NEDD4: variants seen among roughly 807,000 people sequenced by gnomAD.
NEDD4 encodes the protein E3 ubiquitin-protein ligase NEDD4.
Under a neutral mutation model 144.9 loss-of-function variants are expected in NEDD4, and 99 were observed. The observed-to-expected ratio is 0.68, with a 90% CI of 0.58 to 0.81. NEDD4 has a LOEUF of 0.81. Among genes scored for constraint, NEDD4 ranks in the 30% least tolerant of loss-of-function variants. The pLI is 0.00. For missense variants in NEDD4, 985 were observed against 1,065.9 expected, an observed-to-expected ratio of 0.92 and a Z score of 1.06; for synonymous variants, 318 against 350.6, an observed-to-expected ratio of 0.91 and a Z score of 1.04.
Position 55,833,039 on chromosome 15 carries a change from C to T in NEDD4, c.2496G>A (p.Arg832=), listed in dbSNP as rs201668319. The T allele has an allele frequency of 1.3e-4, 207 of 1,612,552 alleles. No homozygotes were observed. Among genetic ancestry groups the T allele is most frequent in the Admixed American group, 8.3e-5 (5 of 59,914 alleles). The part of the protein sequence containing the change: ...RLLQFVTGTS[R]VPMNGFAELY... ...GTTCAGCAAATCCATTCATAGGCACCCGAGATGTGCCAGTGACAAACTGAA... is the reference window on the plus strand; with the variant it reads ...GTTCAGCAAATCCATTCATAGGCACTCGAGATGTGCCAGTGACAAACTGAA... Residue 832 remains arginine (R), a synonymous_variant, in exon 27 of 29, where the codon CGG becomes CGA. Transcript: ENST00000435532.
chr15:55,863,018 G>A lies in NEDD4; in HGVS notation c.569C>T (p.Pro190Leu). Residue 190 changes from proline to leucine, a missense_variant, in exon 9 of 29, where the codon CCT becomes CTT. By Grantham distance (98) the Pro-to-Leu change is moderately conservative. Coordinates refer to ENST00000435532, the MANE Select transcript of NEDD4 (RefSeq NM_006154.4). ...AACHLQQQQE[P>L]SPLPPGWEER... ...TTCCCACCCTGGAGGTAGAGGAGAA[G>A]GTTCTTGTTGTTGCTGCAAATGGCA... The A allele has an allele frequency of 6.2e-7, 1 of 1,605,192 alleles. No homozygotes were observed. The highest frequency in any genetic ancestry group is 8.5e-7 in the Non-Finnish European group (1 of 1,174,050).
rs1555405991 is a variant in NEDD4 at position 55,939,120 on chromosome 15, C to CAAACA, written c.237+12255_237+12256insTGTTT. 3.0e-3 allele frequency among the ~76,000 whole-genome samples: 448 copies of CAAACA among 150,984 alleles called. 1 individual carries two copies. The highest frequency in any genetic ancestry group is 4.0e-3 in the South Asian group (19 of 4,744). On this transcript the variant is annotated intron_variant, in intron 4 of 28. Coordinates refer to ENST00000435532, the MANE Select transcript of NEDD4 (RefSeq NM_006154.4). ...GACCGTGTCTCGAAAACAACAACAACAACAAACAAAAAAACCCACCACCAA... is the reference window on the plus strand; with the variant it reads ...GACCGTGTCTCGAAAACAACAACAACAAACAAACAAACAAAAAAACCCACCACCAA...
rs538268002 is a variant in NEDD4 at position 55,945,080 on chromosome 15, T to C, written c.237+6296A>G. On this transcript the variant is annotated intron_variant, in intron 4 of 28. Transcript: ENST00000435532. ...GAAACCAGAGCAGAAAAGCTGAAAA[T>C]TCTAAAAACCAGAGCGCATCTTCTC... is the stretch of plus-strand genomic sequence containing the variant. Among the ~76,000 whole-genome samples, 70 of 147,750 alleles carry C rather than the reference T, an allele frequency of 4.7e-4. 1 individual carries two copies. The highest frequency in any genetic ancestry group is 1.7e-3 in the African/African-American group (68 of 39,908).
At chr15:55,903,420 A>C (rs545912185) in intron 5 of NEDD4, among the ~76,000 whole-genome samples, 1 of 152,286 alleles carries the variant, frequency 6.6e-6, no homozygotes, top group East Asian at 1.9e-4. Context: ...GGGCCTTTCT[A>C]CTTATTTCTA....
intron 5 of NEDD4, among the ~76,000 whole-genome samples, chr15:55,884,770 A>G (rs1199492745): frequency 6.6e-6 from 1 of 152,084 alleles, no homozygotes; most frequent in Non-Finnish European, 1.5e-5. Context: ...ACAAAATAAA[A>G]AGAATAAAAA....
chr15:55,853,815 C>T (rs2034085609), intron 12 of NEDD4, among the ~76,000 whole-genome samples: 1 of 152,138 alleles, frequency 6.6e-6, no homozygotes, highest in African/African-American at 2.4e-5. Flanking sequence ...ATGGTGAAAA[C>T]TTGTCTCTAC....
At chr15:55,963,128 C>CTTTTTTTT (rs754905603) in intron 2 of NEDD4, among the ~76,000 whole-genome samples, 4 of 142,750 alleles carry the variant, frequency 2.8e-5, no homozygotes, top group Admixed American at 7.3e-5. Context: ...TTCTGGCACT[C>CTTTTTTTT]TTTTTTATTT....
intron 4 of NEDD4, among the ~76,000 whole-genome samples, chr15:55,929,542 T>C (rs1395938149): frequency 1.3e-5 from 2 of 152,208 alleles, no homozygotes; most frequent in Non-Finnish European, 2.9e-5. Flanking sequence ...TGTATCCATG[T>C]GTACTCACGT....
intron 1 of NEDD4, among the ~76,000 whole-genome samples, chr15:55,988,500 AAAAAAAG>A (rs1464011626): frequency 6.7e-6 from 1 of 148,754 alleles, no homozygotes; most frequent in Non-Finnish European, 1.5e-5. Flanking sequence ...AAAAAAAAAA[AAAAAAAG>A]AAAAACTGAG....
chr15:55,992,938 A>G (rs1453328464), intron 1 of NEDD4, among the ~76,000 whole-genome samples: 2 of 152,246 alleles, frequency 1.3e-5, no homozygotes, highest in African/African-American at 4.8e-5. Flanking sequence ...GTTGCTAAAG[A>G]GGAGGAGGAA....
chr15:55,860,539 C>T lies in NEDD4; in HGVS notation c.828G>A (p.Met276Ile). ...WEIIREDEAT[M>I]YSNQAFPSPP... ...GTGATGGGAAGGCCTGGTTGCTATA[C>T]ATGGTGGCTTCATCTTCTCTTATAA... The change falls in exon 11 of 29, where the codon ATG becomes ATA. Residue 276 changes from methionine to isoleucine, a missense_variant. Met to Ile is a conservative substitution (Grantham distance 10, BLOSUM62 1). Coordinates refer to ENST00000435532, the MANE Select transcript of NEDD4 (RefSeq NM_006154.4). The T allele has an allele frequency of 6.2e-7, 1 of 1,614,076 alleles. No individual in the cohort carries two copies. The highest frequency in any genetic ancestry group is 1.1e-5 in the South Asian group (1 of 91,076).
intron 24 of NEDD4, among the ~76,000 whole-genome samples, 191 bp downstream of exon 24, chr15:55,837,598 C>A (rs2033272499): frequency 2.0e-5 from 3 of 152,092 alleles, no homozygotes; most frequent in Non-Finnish European, 4.4e-5. Flanking sequence ...GAAAGGGGAC[C>A]TGTCCATGTT....
intron 5 of NEDD4, among the ~76,000 whole-genome samples, chr15:55,875,168 AAT>A (rs2034950874): frequency 6.6e-6 from 1 of 152,180 alleles, no homozygotes; most frequent in Non-Finnish European, 1.5e-5. Flanking sequence ...CAGATCATGG[AAT>A]AAGCAGACAA....
intron 4 of NEDD4, among the ~76,000 whole-genome samples, chr15:55,934,234 A>G (rs1391594158): frequency 2.6e-5 from 4 of 152,234 alleles, no homozygotes; most frequent in African/African-American, 9.6e-5. Context: ...ATGGGCTAAT[A>G]CAGCTTCTTT....
At chr15:55,983,294 G>A (rs2037833775) in intron 1 of NEDD4, among the ~76,000 whole-genome samples, 1 of 147,220 alleles carries the variant, frequency 6.8e-6, no homozygotes, top group Non-Finnish European at 1.5e-5. Flanking sequence ...TGGTGTGTGT[G>A]TGTGTGCGTG....
intron 1 of NEDD4, chr15:55,992,093 T>C (rs1300596502): frequency 6.6e-6 from 1 of 152,186 alleles, no homozygotes; most frequent in Non-Finnish European, 1.5e-5. Context: ...GCAGTCTACG[T>C]AGCAAGCAGG....
rs777002049 is a variant in NEDD4, at chr15:55,850,627, C to A, written c.1262G>T (p.Gly421Val). ...QVTQPSEIEQ[G>V]FLPKGWEVRH... ...GACTTCCCAGCCTTTAGGAAGGAAT[C>A]CTTGCTCAATTTCAGATGGCTGGGT... Residue 421 changes from glycine (G) to valine (V), a missense_variant, in exon 14 of 29, where the codon GGA becomes GTA. By Grantham distance (109) the Gly-to-Val change is moderately radical (BLOSUM62 -3). Coordinates refer to ENST00000435532, the MANE Select transcript of NEDD4 (RefSeq NM_006154.4). 45 of 1,614,144 alleles carry A rather than the reference C, an allele frequency of 2.8e-5. 1 individual carries two copies. In the East Asian group the frequency reaches 9.4e-4, roughly 34 times the overall value.
At chr15:55,946,547 C>T (rs1313019505) in intron 4 of NEDD4, among the ~76,000 whole-genome samples, 89 of 152,316 alleles carry the variant, frequency 5.8e-4, no homozygotes, top group Non-Finnish European at 1.2e-3. Flanking sequence ...GACTCCCACA[C>T]AATAATAACG....
intron 5 of NEDD4, among the ~76,000 whole-genome samples, chr15:55,880,593 G>A (rs755048693): frequency 2.0e-5 from 3 of 152,164 alleles, no homozygotes; most frequent in Non-Finnish European, 4.4e-5. Context: ...GGAGGTAATG[G>A]AGGATATACT....
Sources: allele counts gnomAD v4.1 joint callset (sites outside exome capture counted in the v4.1 genomes callset), GRCh38; gene constraint gnomAD v4.1.1; transcripts MANE v1.5; gene names NCBI Gene and HGNC (gene_info 2026-07-23, HGNC 2026-07-21).